Variants in GUCY1A1 observed in about 807,000 individuals in gnomAD.
The protein encoded by GUCY1A1 is guanylate cyclase soluble subunit alpha-1.
A neutral mutation model predicts 64.5 loss-of-function variants in GUCY1A1; 48 were observed. The observed-to-expected ratio is 0.74, with a 90% CI of 0.59 to 0.95. The LOEUF is 0.95. Among genes scored for constraint, GUCY1A1 ranks in the 40% least tolerant of loss-of-function variants. GUCY1A1 has a pLI of 0.00. For synonymous variants in GUCY1A1, 308 were observed against 303.4 expected (o/e 1.02, Z -0.16); for missense variants, 804 against 825.3 (o/e 0.97, Z 0.32).
Position 155,711,013 on chromosome 4 carries a change from G to C in GUCY1A1, c.848G>C (p.Cys283Ser). Reference sequence around the variant, plus strand: ...CTGGTGATTCCCACATCGCTATTCTGCAAGACATTTCCATTCCATTTCATG... The same window carrying C: ...CTGGTGATTCCCACATCGCTATTCTCCAAGACATTTCCATTCCATTTCATG... ...SSLVIPTSLF[C>S]KTFPFHFMFD... Residue 283 changes from cysteine (C) to serine (S), a missense_variant, in exon 6 of 10, where the codon TGC (cysteine) becomes TCC (serine). Coordinates refer to ENST00000506455, the MANE Select transcript of GUCY1A1 (RefSeq NM_001130682.3). The C allele has an allele frequency of 6.2e-7, 1 of 1,613,934 alleles. No homozygotes were observed. The highest frequency in any genetic ancestry group is 1.1e-5 in the South Asian group (1 of 91,078).
At chr4:155,692,807 C>T (rs1336663434) in intron 2 of GUCY1A1, among the ~76,000 whole-genome samples, 2 of 152,198 alleles carry the variant, frequency 1.3e-5, no homozygotes, top group South Asian at 2.1e-4. Context: ...GTCTGTAATC[C>T]CAGTGCTTTG....
intron 9 of GUCY1A1, among the ~76,000 whole-genome samples, chr4:155,728,135 T>C (rs775507316): frequency 4.6e-5 from 7 of 151,970 alleles, no homozygotes; most frequent in Non-Finnish European, 7.4e-5. Flanking sequence ...ATTATGTTTC[T>C]GAGATAGTTT....
At chr4:155,724,634 C>T (rs1247941921) in intron 9 of GUCY1A1, among the ~76,000 whole-genome samples, 1 of 152,100 alleles carries the variant, frequency 6.6e-6, no homozygotes, top group Admixed American at 6.6e-5. Context: ...CTAGTTTTCT[C>T]ACTACCCCAT....
At chr4:155,727,490 T>C (rs996074581) in intron 9 of GUCY1A1, among the ~76,000 whole-genome samples, 1 of 151,880 alleles carries the variant, frequency 6.6e-6, no homozygotes, top group Admixed American at 6.6e-5. Flanking sequence ...AGGCTGAATA[T>C]ATGTATATAA....
chr4:155,725,736 T>A (rs767613905), intron 9 of GUCY1A1, among the ~76,000 whole-genome samples: 22 of 152,018 alleles, frequency 1.4e-4, no homozygotes, highest in Admixed American at 6.6e-4. Flanking sequence ...ATTCAGGATC[T>A]CATGTATTTC....
chr4:155,718,446 C>T (rs538291298), intron 8 of GUCY1A1, among the ~76,000 whole-genome samples: 1 of 152,170 alleles, frequency 6.6e-6, no homozygotes, highest in East Asian at 1.9e-4. Flanking sequence ...TTTTATTATG[C>T]GTGGATTCTG....
At chr4:155,704,741 A>C (rs910944322) in intron 4 of GUCY1A1, among the ~76,000 whole-genome samples, 1 of 151,946 alleles carries the variant, frequency 6.6e-6, no homozygotes, top group South Asian at 2.1e-4. Context: ...TTTTAGAAAC[A>C]GGGTCTCACT....
chr4:155,686,500 G>A (rs1448903373), intron 2 of GUCY1A1, among the ~76,000 whole-genome samples: 1 of 152,128 alleles, frequency 6.6e-6, no homozygotes, highest in Non-Finnish European at 1.5e-5. Context: ...AATTATCACT[G>A]AATCCATATT....
intron 2 of GUCY1A1, among the ~76,000 whole-genome samples, chr4:155,685,610 T>G (rs1297320987): frequency 5.3e-5 from 8 of 149,594 alleles, no homozygotes; most frequent in African/African-American, 1.5e-4. Flanking sequence ...TGTGTTTTTT[T>G]TTTTTTTTTT....
At chr4:155,692,546 T>C (rs963019566) in intron 2 of GUCY1A1, among the ~76,000 whole-genome samples, 1 of 152,232 alleles carries the variant, frequency 6.6e-6, no homozygotes, top group African/African-American at 2.4e-5. Context: ...ATTTCTCTAA[T>C]GAGCAGTGAT....
intron 2 of GUCY1A1, among the ~76,000 whole-genome samples, chr4:155,693,447 G>A (rs957193845): frequency 2.6e-5 from 4 of 151,974 alleles, no homozygotes; most frequent in African/African-American, 9.7e-5. Context: ...TGAAGTTACT[G>A]CTAACGTTAC....
chr4:155,704,695 G>T lies in GUCY1A1; in HGVS notation c.317+702G>T, dbSNP rs1017118915. ...TTTCCTTTAAAGCATTTCTGAAGAG[G>T]CTTAATATAAAGTTACTTTTTATTT... On this transcript the variant is annotated intron_variant, in intron 4 of 9. Transcript: ENST00000506455. 1.3e-5 allele frequency among the ~76,000 whole-genome samples: 2 copies of T among 151,938 alleles called. 1 individual carries two copies. Among genetic ancestry groups the T allele is most frequent in the Admixed American group, 1.3e-4 (2 of 15,224 alleles).
At chr4:155,722,261 A>T in intron 9 of GUCY1A1, 69 bp downstream of exon 9, 1 of 1,541,506 alleles carries the variant, frequency 6.5e-7, no homozygotes, top group Admixed American at 2.0e-5. Flanking sequence ...TGCCCCACTG[A>T]TTTGATTCAT....
At chr4:155,717,094 A>C (rs1299238577) in intron 7 of GUCY1A1, 65 bp from the exon 8 acceptor site, 2 of 1,141,466 alleles carry the variant, frequency 1.8e-6, no homozygotes, top group Non-Finnish European at 2.4e-6. Flanking sequence ...AATTTCTTCT[A>C]TCCGATGTAG....
intron 2 of GUCY1A1, among the ~76,000 whole-genome samples, chr4:155,694,694 A>G (rs372544016): frequency 4.1e-4 from 62 of 152,262 alleles, no homozygotes; most frequent in African/African-American, 1.4e-3. Flanking sequence ...TACTTGCAAT[A>G]AAGACCATGT....
intron 2 of GUCY1A1, among the ~76,000 whole-genome samples, chr4:155,668,619 T>C (rs754471288): frequency 6.6e-6 from 1 of 152,212 alleles, no homozygotes; most frequent in Non-Finnish European, 1.5e-5. Flanking sequence ...ATATAATTTT[T>C]TTTTATCTTG....
At chr4:155,721,715 C>T (rs1025346775) in intron 8 of GUCY1A1, among the ~76,000 whole-genome samples, 1 of 152,120 alleles carries the variant, frequency 6.6e-6, no homozygotes, top group Non-Finnish European at 1.5e-5. Context: ...ACATAAACAG[C>T]TCATATCCCC....
Position 155,711,108 on chromosome 4 carries a change from C to G in GUCY1A1, c.943C>G (p.Gln315Glu). The G allele has an allele frequency of 6.2e-7, 1 of 1,613,646 alleles. No individual in the cohort carries two copies. Among genetic ancestry groups the G allele is most frequent in the Non-Finnish European group, 8.5e-7 (1 of 1,179,546 alleles). The part of the protein sequence containing the change: ...IRRLMNRRDF[Q>E]GKPNFEEYFE... The stretch of plus-strand genomic sequence containing the variant: ...AAGGCTGATGAACAGGAGAGACTTT[C>G]AAGGAAAGCCTAATTTTGAAGAATA... The change falls in exon 6 of 10, where the codon CAA becomes GAA. Residue 315 changes from glutamine to glutamate, a missense_variant. Physicochemically the swap from Gln to Glu is conservative, Grantham distance 29 (BLOSUM62 2). Coordinates refer to ENST00000506455, the MANE Select transcript of GUCY1A1 (RefSeq NM_001130682.3).
rs775121511 is a variant in GUCY1A1 at position 155,731,483 on chromosome 4, C to G, written c.*1252C>G. 6.6e-6 allele frequency: 1 copy of G among 151,736 alleles called. No individual in the cohort carries two copies. The highest frequency in any genetic ancestry group is 1.5e-5 in the Non-Finnish European group (1 of 67,826). 9.4% of individuals were successfully genotyped at this position (151,736 alleles called of 1,614,324 possible). A position where few individuals can be genotyped will look rare whatever the true frequency, so the allele number is the denominator to read the frequency against. On this transcript the variant is annotated 3_prime_UTR_variant, in exon 10 of 10. Coordinates refer to ENST00000506455, the MANE Select transcript of GUCY1A1 (RefSeq NM_001130682.3). The stretch of plus-strand genomic sequence containing the variant: ...GGCAGTGACTACATTATGGAAATGT[C>G]TAAGTATTTTTTCCGGAACTTCAAC...
Sources: allele counts gnomAD v4.1 joint callset (sites outside exome capture counted in the v4.1 genomes callset), GRCh38; gene constraint gnomAD v4.1.1; transcripts MANE v1.5; gene names NCBI Gene and HGNC (gene_info 2026-07-23, HGNC 2026-07-21).